The following LPP variants were observed in gnomAD, a reference collection of about 807,000 sequenced individuals.
LPP encodes lipoma-preferred partner.
Under a neutral mutation model 60.4 loss-of-function variants are expected in LPP, and 38 were observed. The observed-to-expected ratio is 0.63, with a 90% CI of 0.49 to 0.83. The LOEUF (loss-of-function observed/expected upper bound fraction) is 0.83, where lower values mean the gene tolerates loss of function less well. Among genes scored for constraint, LPP ranks in the 40% least tolerant of loss-of-function variants. The pLI is 0.00. For synonymous variants in LPP, 328 were observed against 290.8 expected (o/e 1.13, Z -1.30); for missense variants, 902 against 783.6 (o/e 1.15, Z -1.80).
chr3:188,753,925 T>G (rs569717715), intron 8 of LPP, among the ~76,000 whole-genome samples: 1 of 152,268 alleles, frequency 6.6e-6, no homozygotes, highest in Admixed American at 6.5e-5. Flanking sequence ...GTGACAGAAC[T>G]ACATGTGTCC....
At chr3:188,370,677 T>A (rs1468861667) in intron 3 of LPP, among the ~76,000 whole-genome samples, 3 of 152,164 alleles carry the variant, frequency 2.0e-5, no homozygotes, top group African/African-American at 7.2e-5. Context: ...TGGGTTGGCA[T>A]CTGCCCAACT....
intron 7 of LPP, among the ~76,000 whole-genome samples, chr3:188,669,540 C>T (rs1221005265): frequency 2.0e-5 from 3 of 152,090 alleles, no homozygotes. Context: ...CGCACCACTG[C>T]ACTCCAGCCT....
chr3:188,587,337 G>A (rs200394861), intron 6 of LPP, among the ~76,000 whole-genome samples: 3,723 of 4,056 alleles, frequency 0.92, 1,781 homozygotes, highest in Non-Finnish European at 1. Context: ...GCGACAGAGC[G>A]AGACTCCGTC....
intron 7 of LPP, among the ~76,000 whole-genome samples, chr3:188,632,496 T>C (rs1580542740): frequency 6.6e-6 from 1 of 152,170 alleles, no homozygotes; most frequent in Admixed American, 6.5e-5. Context: ...TTAAAGTTTT[T>C]TGGTTACTTG....
Position 188,440,214 on chromosome 3 carries a change from T to A in LPP, c.193+33901T>A, listed in dbSNP as rs567328799. On this transcript the variant is annotated intron_variant, in intron 4 of 11. Transcript: ENST00000617246. ...AGATGAATGACAGCTGTTTAGTATGTTTGGTAAATGCTAACTGTGTGTGAT... is the reference window on the plus strand; with the variant it reads ...AGATGAATGACAGCTGTTTAGTATGATTGGTAAATGCTAACTGTGTGTGAT... Among the ~76,000 whole-genome samples, 3 of 152,318 alleles carry A rather than the reference T, an allele frequency of 2.0e-5. No individual in the cohort carries two copies. The South Asian group carries it at 6.2e-4, about 32-fold the overall frequency.
chr3:188,595,393 A>ACCCCCATCAGTCATTCGTAT (rs1553937227), intron 6 of LPP, among the ~76,000 whole-genome samples: 2 of 152,038 alleles, frequency 1.3e-5, no homozygotes, highest in Non-Finnish European at 2.9e-5. Flanking sequence ...AAATGAATGA[A>ACCCCCATCAGTCATTCGTAT]CCCCCATCAG....
chr3:188,283,059 G>A (rs1479529754), intron 2 of LPP, among the ~76,000 whole-genome samples: 3 of 152,150 alleles, frequency 2.0e-5, no homozygotes, highest in African/African-American at 7.2e-5. Context: ...TTTGGAGCAT[G>A]GCTTTTATGA....
chr3:188,289,639 A>T (rs1464530939), intron 2 of LPP, among the ~76,000 whole-genome samples: 1 of 152,128 alleles, frequency 6.6e-6, no homozygotes, highest in Non-Finnish European at 1.5e-5. Context: ...CTGTAAACAC[A>T]TGTTTTTTTC....
In LPP at chr3:188,379,656, A is replaced by G. The variant is rs536528050; in HGVS notation, c.-9-26456A>G. 1.3e-3 allele frequency among the ~76,000 whole-genome samples: 205 copies of G among 152,326 alleles called. 1 individual carries two copies. Among genetic ancestry groups the G allele is most frequent in the African/African-American group, 4.7e-3 (194 of 41,562 alleles). On this transcript the variant is annotated intron_variant, in intron 3 of 11. Transcript: ENST00000617246. The stretch of plus-strand genomic sequence containing the variant: ...TGCCCATTCTGGACATTTTATATAA[A>G]TGTCCATACATTTATATAAACATCA...
chr3:188,837,152 C>T (rs1758649003), intron 9 of LPP, among the ~76,000 whole-genome samples: 1 of 152,030 alleles, frequency 6.6e-6, no homozygotes, highest in African/African-American at 2.4e-5. Context: ...GAGGCCGAGG[C>T]AGGCAGATCA....
chr3:188,705,837 G>A (rs563448446), intron 7 of LPP, among the ~76,000 whole-genome samples: 3 of 152,040 alleles, frequency 2.0e-5, no homozygotes, highest in Non-Finnish European at 2.9e-5. Flanking sequence ...GGCTGGTCTC[G>A]AACTTCTGGC....
rs1825188624 is a variant in LPP, at chr3:188,541,568, A to G, written c.429+16781A>G. ...GAAGATGCCCTTTAAAAAAAAAAAA[A>G]GTAAAGATTTGTACCTGCCATTCTG... On this transcript the variant is annotated intron_variant, in intron 6 of 11. Transcript: ENST00000617246. Among the ~76,000 whole-genome samples the G allele has an allele frequency of 2.0e-5, 3 of 151,636 alleles. No individual in the cohort carries two copies. In the South Asian group the frequency reaches 6.2e-4, roughly 31 times the overall value.
intron 8 of LPP, among the ~76,000 whole-genome samples, chr3:188,745,729 C>A (rs953909325): frequency 3.3e-5 from 5 of 152,118 alleles, no homozygotes; most frequent in African/African-American, 4.8e-5. Flanking sequence ...AGAAATGAAA[C>A]AGACTAAGGG....
intron 1 of LPP, among the ~76,000 whole-genome samples, chr3:188,210,378 G>A (rs918539198): frequency 6.6e-6 from 1 of 152,200 alleles, no homozygotes; most frequent in Non-Finnish European, 1.5e-5. Flanking sequence ...AGAACGTGAA[G>A]CAAGGGATGG....
At chr3:188,494,568 A>G (rs1348861861) in intron 5 of LPP, among the ~76,000 whole-genome samples, 2 of 151,860 alleles carry the variant, frequency 1.3e-5, no homozygotes, top group African/African-American at 4.8e-5. Context: ...TTTTGTTATG[A>G]CAGTTCCTGG....
At chr3:188,586,005 G>A (rs1188188957) in intron 6 of LPP, among the ~76,000 whole-genome samples, 1 of 152,200 alleles carries the variant, frequency 6.6e-6, no homozygotes, top group African/African-American at 2.4e-5. Context: ...TTTGGGGCAG[G>A]AAGAGGTGTG....
At chr3:188,276,276 C>T (rs546725135) in intron 2 of LPP, among the ~76,000 whole-genome samples, 154 of 152,278 alleles carry the variant, frequency 1.0e-3, no homozygotes, top group African/African-American at 3.6e-3. Flanking sequence ...TTTGTTGTGT[C>T]TGCTGTGCTT....
chr3:188,371,200 A>G (rs1441364688), intron 3 of LPP, among the ~76,000 whole-genome samples: 1 of 152,148 alleles, frequency 6.6e-6, no homozygotes. Flanking sequence ...TTATTTTACC[A>G]TTAACCTATC....
At chr3:188,424,885 T>A (rs1183458934) in intron 4 of LPP, among the ~76,000 whole-genome samples, 3 of 152,234 alleles carry the variant, frequency 2.0e-5, no homozygotes, top group Non-Finnish European at 4.4e-5. Context: ...TCATGTCATC[T>A]GCAAACAGAG....
Sources: allele counts gnomAD v4.1 joint callset (sites outside exome capture counted in the v4.1 genomes callset), GRCh38; gene constraint gnomAD v4.1.1; transcripts MANE v1.5; gene names NCBI Gene and HGNC (gene_info 2026-07-23, HGNC 2026-07-21).